CDS1: variants seen among roughly 807,000 people sequenced by gnomAD.
The protein encoded by CDS1 is CDP-diacylglycerol synthase 1.
CDS1 carries 41 observed loss-of-function variants against 62.1 expected under a neutral mutation model. The ratio of observed to expected loss-of-function variants is 0.66; its 90% CI spans 0.51 to 0.86. The LOEUF (loss-of-function observed/expected upper bound fraction) is 0.86, where lower values mean the gene tolerates loss of function less well. Among genes scored for constraint, CDS1 ranks in the 40% least tolerant of loss-of-function variants. CDS1 has a pLI of 0.00. For missense variants in CDS1, 470 were observed against 550.1 expected (o/e 0.85, Z 1.46); for synonymous variants, 185 against 192.6 (o/e 0.96, Z 0.32).
intron 5 of CDS1, among the ~76,000 whole-genome samples, chr4:84,628,395 G>T (rs191000886): frequency 4.6e-4 from 70 of 152,198 alleles, no homozygotes; most frequent in African/African-American, 1.7e-3. Context: ...CTGGCATATC[G>T]AAGGTGCTTG....
intron 5 of CDS1, among the ~76,000 whole-genome samples, chr4:84,631,448 T>C (rs1449165866): frequency 1.3e-5 from 2 of 152,240 alleles, no homozygotes; most frequent in Non-Finnish European, 2.9e-5. Context: ...TTTTCTATTA[T>C]GTAGAGATTG....
Position 84,583,515 on chromosome 4 carries a change from C to G in CDS1, c.114C>G (p.Asp38Glu). ...ACCACGAAACCGAGAGCACCAGCGA[C>G]AAAGTAAGTGGAGCCGAGAGAGGCG... Reference protein sequence around the residue: ...GGDHETESTSDKETDIDDRYG... With the variant: ...GGDHETESTSEKETDIDDRYG... Residue 38 changes from aspartate (D) to glutamate (E), a missense_variant, in exon 1 of 13, where the codon GAC becomes GAG. This residue lies in a region of CDS1 where 150 missense variants were observed against 142.0 expected (regional missense o/e 1.06). Coordinates refer to ENST00000295887, the MANE Select transcript of CDS1 (RefSeq NM_001263.4). The G allele has an allele frequency of 6.6e-7, 1 of 1,519,038 alleles. No homozygotes were observed. The highest frequency in any genetic ancestry group is 1.2e-5 in the South Asian group (1 of 81,986). 94.1% of individuals were successfully genotyped at this position (1,519,038 alleles called of 1,614,324 possible).
intron 1 of CDS1, among the ~76,000 whole-genome samples, chr4:84,594,788 C>T (rs1722699352): frequency 6.6e-6 from 1 of 152,126 alleles, no homozygotes. Flanking sequence ...TGGGTCATTG[C>T]TCACTGCAGG....
rs1160540357 is a variant in CDS1 at position 84,650,300 on chromosome 4, G to C, written c.*1614G>C. Reference sequence around the variant, plus strand: ...TATACTCCATTGATTCATCATCACTGCATGTGTTCAGCCAGTGTATCTCAC... The same window carrying C: ...TATACTCCATTGATTCATCATCACTCCATGTGTTCAGCCAGTGTATCTCAC... On this transcript the variant is annotated 3_prime_UTR_variant, in exon 13 of 13. Coordinates refer to ENST00000295887, the MANE Select transcript of CDS1 (RefSeq NM_001263.4). The C allele has an allele frequency of 6.6e-6, 1 of 152,044 alleles. No individual in the cohort carries two copies. The highest frequency in any genetic ancestry group is 1.5e-5 in the Non-Finnish European group (1 of 68,024). 9.4% of individuals were successfully genotyped at this position (152,044 alleles called of 1,614,324 possible). A position where few individuals can be genotyped will look rare whatever the true frequency, so the allele number is the denominator to read the frequency against.
At chr4:84,599,448 A>C (rs1233903224) in intron 1 of CDS1, among the ~76,000 whole-genome samples, 3 of 134,376 alleles carry the variant, frequency 2.2e-5, no homozygotes. Flanking sequence ...ATATATATAT[A>C]TATGCCTATG....
chr4:84,611,850 C>T (rs1723333897), intron 3 of CDS1, among the ~76,000 whole-genome samples: 2 of 152,002 alleles, frequency 1.3e-5, no homozygotes, highest in African/African-American at 4.8e-5. Flanking sequence ...CAGGAAGAGG[C>T]CCCCAGCTCC....
chr4:84,590,107 A>G lies in CDS1; in HGVS notation c.117+6589A>G, dbSNP rs548080500. On this transcript the variant is annotated intron_variant, in intron 1 of 12. Coordinates refer to ENST00000295887, the MANE Select transcript of CDS1 (RefSeq NM_001263.4). Reference sequence around the variant, plus strand: ...ATTACAGGCATGAGCCACCTCACCCAGCCTAAGGCAGGTCTTTCAATGTGG... The same window carrying G: ...ATTACAGGCATGAGCCACCTCACCCGGCCTAAGGCAGGTCTTTCAATGTGG... Among the ~76,000 whole-genome samples, 26 of 152,250 alleles carry G rather than the reference A, an allele frequency of 1.7e-4. No individual in the cohort carries two copies. The South Asian group carries it at 4.8e-3, about 28-fold the overall frequency.
At chr4:84,648,359 G>A (rs1361574795) in intron 12 of CDS1, among the ~76,000 whole-genome samples, 198 bp from the exon 13 acceptor site, 1 of 152,108 alleles carries the variant, frequency 6.6e-6, no homozygotes, top group East Asian at 1.9e-4. Flanking sequence ...TTGTGTTTGT[G>A]CATTCTTTCT....
chr4:84,649,976 T>C lies in CDS1; in HGVS notation c.*1290T>C, dbSNP rs534292301. The stretch of plus-strand genomic sequence containing the variant: ...CTGCTGTGTGCTCTCCACAGCCATA[T>C]TTATTGTATTAAACAATCAGCACTA... On this transcript the variant is annotated 3_prime_UTR_variant, in exon 13 of 13. Coordinates refer to ENST00000295887, the MANE Select transcript of CDS1 (RefSeq NM_001263.4). 60 of 152,326 alleles carry C rather than the reference T, an allele frequency of 3.9e-4. 1 individual carries two copies. The highest frequency in any genetic ancestry group is 1.3e-3 in the African/African-American group (56 of 41,578). The allele number at this position is 152,326 out of a possible 1,614,324, so 9.4% of individuals were successfully genotyped here.
intron 12 of CDS1, among the ~76,000 whole-genome samples, chr4:84,648,037 G>C (rs1724606843): frequency 6.6e-6 from 1 of 152,044 alleles, no homozygotes; most frequent in Admixed American, 6.5e-5. Context: ...ACTGGTAAGG[G>C]GCTTCAGTGC....
chr4:84,632,592 A>C (rs1257026928), intron 6 of CDS1, among the ~76,000 whole-genome samples: 1 of 152,186 alleles, frequency 6.6e-6, no homozygotes, highest in East Asian at 1.9e-4. Flanking sequence ...TTTCTAATTT[A>C]AGGGAATCTG....
At chr4:84,620,133 T>C (rs1386673625) in intron 5 of CDS1, among the ~76,000 whole-genome samples, 1 of 151,678 alleles carries the variant, frequency 6.6e-6, no homozygotes, top group African/African-American at 2.4e-5. Flanking sequence ...AAATTTAATT[T>C]ATGAAAAAAC....
At chr4:84,645,687 A>G (rs1008954438) in intron 12 of CDS1, among the ~76,000 whole-genome samples, 13 of 152,198 alleles carry the variant, frequency 8.5e-5, no homozygotes, top group African/African-American at 3.1e-4. Flanking sequence ...TCTACCAATT[A>G]TTACTTGAGT....
intron 1 of CDS1, among the ~76,000 whole-genome samples, chr4:84,585,716 G>T (rs140903931): frequency 6.6e-6 from 1 of 152,086 alleles, no homozygotes; most frequent in Admixed American, 6.6e-5. Context: ...CCTTTGTTCC[G>T]GACTGGTGAC....
rs774708972 is a variant in CDS1 at position 84,649,870 on chromosome 4, A to C, written c.*1184A>C. Reference sequence around the variant, plus strand: ...TCCTACACGAAAAAAAAGCACACGAATGCCAAACCTTTCCTTTGGTGGACT... The same window carrying C: ...TCCTACACGAAAAAAAAGCACACGACTGCCAAACCTTTCCTTTGGTGGACT... On this transcript the variant is annotated 3_prime_UTR_variant, in exon 13 of 13. Coordinates refer to ENST00000295887, the MANE Select transcript of CDS1 (RefSeq NM_001263.4). 11 of 152,210 alleles carry C rather than the reference A, an allele frequency of 7.2e-5. No homozygotes were observed. Among genetic ancestry groups the C allele is most frequent in the Non-Finnish European group, 1.2e-4 (8 of 68,038 alleles). The allele number at this position is 152,210 out of a possible 1,614,324, so 9.4% of individuals were successfully genotyped here. A position where few individuals can be genotyped will look rare whatever the true frequency, so the allele number is the denominator to read the frequency against.
At chr4:84,604,127 CT>C (rs2110046733) in intron 1 of CDS1, 115 bp from the exon 2 acceptor site, 1 of 840,444 alleles carries the variant, frequency 1.2e-6, no homozygotes, top group East Asian at 2.6e-5. Flanking sequence ...ATAGTAGTTT[CT>C]TTGTTTCAGA....
At chr4:84,632,843 C>T (rs1345551138) in intron 6 of CDS1, among the ~76,000 whole-genome samples, 1 of 152,184 alleles carries the variant, frequency 6.6e-6, no homozygotes, top group East Asian at 1.9e-4. Context: ...AATCAAAAGG[C>T]CAAGCGCCGA....
intron 3 of CDS1, among the ~76,000 whole-genome samples, chr4:84,613,090 A>C (rs990125141): frequency 2.6e-5 from 4 of 151,668 alleles, no homozygotes; most frequent in Non-Finnish European, 4.4e-5. Flanking sequence ...GCATAGATAT[A>C]TATATATATA....
intron 9 of CDS1, among the ~76,000 whole-genome samples, chr4:84,639,663 A>T (rs142842567): frequency 6.6e-6 from 1 of 152,166 alleles, no homozygotes; most frequent in Non-Finnish European, 1.5e-5. Context: ...TACTTTTCCT[A>T]GTTTCTGACA....
Sources: allele counts gnomAD v4.1 joint callset (sites outside exome capture counted in the v4.1 genomes callset), GRCh38; gene constraint gnomAD v4.1.1; regional missense constraint gnomAD v4.1.1; transcripts MANE v1.5; gene names NCBI Gene and HGNC (gene_info 2026-07-23, HGNC 2026-07-21).